Variants in TULP4 observed in about 807,000 individuals in gnomAD.
TULP4 encodes the protein tubby-related protein 4.
TULP4 carries 16 observed loss-of-function variants against 129.0 expected under a neutral mutation model. That is an observed-to-expected ratio of 0.12 (90% confidence interval 0.08 to 0.19). The LOEUF is 0.19. TULP4 is among the 10% of genes least tolerant of loss of function. The probability of loss-of-function intolerance (pLI) is 1.00; values close to 1 mark genes in which losing one functional copy is unlikely to be tolerated. For synonymous variants in TULP4, 998 were observed against 854.0 expected (o/e 1.17, Z -2.94); for missense variants, 1,842 against 2,059.1 (o/e 0.89, Z 2.04).
chr6:158,489,182 T>C (rs567318795), intron 8 of TULP4, among the ~76,000 whole-genome samples: 1 of 152,276 alleles, frequency 6.6e-6, no homozygotes, highest in South Asian at 2.1e-4. Flanking sequence ...GCAAGGGCCT[T>C]CTCAGGTCAG....
chr6:158,403,575 G>C (rs1777902932), intron 1 of TULP4, among the ~76,000 whole-genome samples: 1 of 152,106 alleles, frequency 6.6e-6, no homozygotes, highest in Non-Finnish European at 1.5e-5. Flanking sequence ...CCTGACCTCA[G>C]GTGATCCGCC....
intron 1 of TULP4, among the ~76,000 whole-genome samples, chr6:158,408,217 G>A (rs185572946): frequency 2.3e-3 from 347 of 152,234 alleles, no homozygotes; most frequent in Admixed American, 4.3e-3. Context: ...GGAGTGCTTG[G>A]AACTTCAGGG....
intron 1 of TULP4, among the ~76,000 whole-genome samples, chr6:158,277,092 A>G (rs563361092): frequency 1.3e-5 from 2 of 152,180 alleles, no homozygotes; most frequent in South Asian, 2.1e-4. Flanking sequence ...GGCGCGTGCT[A>G]CCACACCTGG....
Position 158,502,048 on chromosome 6 carries a change from C to T in TULP4, c.2385C>T (p.His795=), listed in dbSNP as rs373496007. 76 of 1,613,528 alleles carry T rather than the reference C, an allele frequency of 4.7e-5. 1 individual carries two copies. The South Asian group carries it at 4.7e-4, about 10-fold the overall frequency. ...LSTVGHGDRD[H]EHLQKSAKAL... ...CGGTGGGCCATGGAGACCGAGACCA[C>T]GAACACCTGCAGAAGTCAGCCAAGG... is the stretch of plus-strand genomic sequence containing the variant. The change falls in exon 13 of 14, where the codon CAC becomes CAT. Residue 795 remains histidine, a synonymous_variant. Transcript: ENST00000367097.
intron 1 of TULP4, among the ~76,000 whole-genome samples, chr6:158,284,246 TC>T (rs1778802916): frequency 6.6e-6 from 1 of 152,148 alleles, no homozygotes; most frequent in Non-Finnish European, 1.5e-5. Context: ...AACAAAAACA[TC>T]CATCAGCAAA....
chr6:158,346,649 C>T (rs1386957628), intron 1 of TULP4, among the ~76,000 whole-genome samples: 18 of 152,186 alleles, frequency 1.2e-4, no homozygotes, highest in Admixed American at 1.2e-3. Context: ...TTTCTTTTAG[C>T]ACCAAAAAGT....
chr6:158,327,103 T>C (rs1779762599), intron 1 of TULP4, among the ~76,000 whole-genome samples: 2 of 136,504 alleles, frequency 1.5e-5, no homozygotes, highest in South Asian at 5.4e-4. Context: ...AATAATACTT[T>C]CCTCATATGG....
chr6:158,346,353 C>G (rs188681833), intron 1 of TULP4, among the ~76,000 whole-genome samples: 371 of 152,320 alleles, frequency 2.4e-3, no homozygotes, highest in African/African-American at 8.6e-3. Flanking sequence ...TGTTCCTCTG[C>G]CACAGCTCCA....
At chr6:158,406,022 C>T (rs147139073) in intron 1 of TULP4, among the ~76,000 whole-genome samples, 3 of 152,242 alleles carry the variant, frequency 2.0e-5, no homozygotes, top group African/African-American at 7.2e-5. Flanking sequence ...CTGAGTGTTC[C>T]ACCAGGTGCT....
In TULP4 at chr6:158,504,012, C is replaced by T. The variant is rs767028688; in HGVS notation, c.4349C>T (p.Ala1450Val). The change falls in exon 13 of 14, where the codon GCC becomes GTC. Residue 1450 changes from alanine to valine, a missense_variant. Transcript: ENST00000367097. ...GELEEAKCRRASEKEDGRLGS... is the reference protein window; with the variant it reads ...GELEEAKCRRVSEKEDGRLGS... ...CTGGAGGAGGCCAAGTGCCGGCGGG[C>T]CAGTGAGAAGGAGGACGGGCGGCTG... The T allele has an allele frequency of 3.1e-6, 5 of 1,612,226 alleles. No homozygotes were observed. In the South Asian group the frequency reaches 4.4e-5, roughly 14 times the overall value.
chr6:158,397,509 GT>G (rs981490095), intron 1 of TULP4, among the ~76,000 whole-genome samples: 5 of 151,296 alleles, frequency 3.3e-5, no homozygotes, highest in Admixed American at 1.3e-4. Context: ...AAAACATTGA[GT>G]TTTTTTTGCA....
At chr6:158,271,614 G>C (rs891127579) in intron 1 of TULP4, among the ~76,000 whole-genome samples, 30 of 151,884 alleles carry the variant, frequency 2.0e-4, no homozygotes, top group African/African-American at 7.3e-4. Flanking sequence ...ATTTTTTGTA[G>C]AGATGGGGTC....
At chr6:158,460,644 G>A (rs1374245629) in intron 5 of TULP4, among the ~76,000 whole-genome samples, 2 of 152,140 alleles carry the variant, frequency 1.3e-5, no homozygotes, top group Non-Finnish European at 2.9e-5. Context: ...CTCCCAGCAG[G>A]GGTATTTATT....
chr6:158,437,801 G>A (rs796129544), intron 3 of TULP4: 1 of 152,026 alleles, frequency 6.6e-6, no homozygotes, highest in South Asian at 2.1e-4. Flanking sequence ...ATTCTGGCTG[G>A]GTATGGTGGC....
Position 158,239,482 on chromosome 6 carries a change from C to T in TULP4, n.68+7179C>T, listed in dbSNP as rs866982643. On this transcript the variant is annotated intron_variant and non_coding_transcript_variant, in intron 1 of 1. Transcript: ENST00000620026. ...GGGGCTGACCCCCCCACCTCCCTCC[C>T]GGACGGGGAGGCTGGCCGGGCAGAG... Among the ~76,000 whole-genome samples, 9 of 60,170 alleles carry T rather than the reference C, an allele frequency of 1.5e-4. 2 individuals are homozygous for T. Among genetic ancestry groups the T allele is most frequent in the African/African-American group, 5.5e-4 (9 of 16,508 alleles). The allele number at this position is 60,170 out of a possible 152,430, so 39.5% of individuals were successfully genotyped here. A position where few individuals can be genotyped will look rare whatever the true frequency, so the allele number is the denominator to read the frequency against.
intron 1 of TULP4, among the ~76,000 whole-genome samples, chr6:158,412,484 A>G (rs951067256): frequency 3.3e-5 from 5 of 152,208 alleles, no homozygotes; most frequent in African/African-American, 1.2e-4. Context: ...ATACTCAGAA[A>G]ATTTGAAGCT....
chr6:158,466,263 G>T (rs1222308022), intron 6 of TULP4, among the ~76,000 whole-genome samples: 1 of 152,126 alleles, frequency 6.6e-6, no homozygotes, highest in Admixed American at 6.5e-5. Context: ...CCATTCAGTC[G>T]ATAGGGGGCT....
At chr6:158,234,479 G>A (rs1777651489) in intron 1 of TULP4, among the ~76,000 whole-genome samples, 1 of 152,218 alleles carries the variant, frequency 6.6e-6, no homozygotes, top group African/African-American at 2.4e-5. Context: ...GGTTTGTGGA[G>A]TGGCTACCAT....
chr6:158,314,505 C>T (rs1299943586), intron 1 of TULP4, among the ~76,000 whole-genome samples: 1 of 152,230 alleles, frequency 6.6e-6, no homozygotes, highest in Non-Finnish European at 1.5e-5. Context: ...TGTCCTCTCC[C>T]TGCACTGTCT....
Sources: allele counts gnomAD v4.1 joint callset (sites outside exome capture counted in the v4.1 genomes callset), GRCh38; gene constraint gnomAD v4.1.1; transcripts MANE v1.5; gene names NCBI Gene and HGNC (gene_info 2026-07-23, HGNC 2026-07-21).